The following KCNH1 variants were observed in gnomAD, a reference collection of about 807,000 sequenced individuals.
The protein encoded by KCNH1 is voltage-gated delayed rectifier potassium channel KCNH1.
KCNH1 carries 27 observed loss-of-function variants against 69.2 expected under a neutral mutation model. That is an observed-to-expected ratio of 0.39 (90% CI 0.29 to 0.54). The LOEUF is 0.54. KCNH1 is among the 20% of genes least tolerant of loss of function. The pLI is 0.68. For missense variants in KCNH1, 798 were observed against 1,261.6 expected (o/e 0.63, Z 5.57); for synonymous variants, 456 against 487.7 (o/e 0.93, Z 0.86).
chr1:210,845,429 C>T (rs1378942846), intron 7 of KCNH1, among the ~76,000 whole-genome samples: 3 of 152,006 alleles, frequency 2.0e-5, no homozygotes, highest in Non-Finnish European at 4.4e-5. Context: ...TAAACATACG[C>T]AAATCAATAA....
intron 5 of KCNH1, among the ~76,000 whole-genome samples, chr1:211,072,773 G>T (rs1690670473): frequency 6.6e-6 from 1 of 152,054 alleles, no homozygotes; most frequent in African/African-American, 2.4e-5. Context: ...CACATAAAAT[G>T]CTCAGTTAAA....
chr1:211,114,496 G>A (rs1007410690), intron 1 of KCNH1, among the ~76,000 whole-genome samples: 12 of 152,158 alleles, frequency 7.9e-5, no homozygotes, highest in South Asian at 2.1e-4. Context: ...ATTTGCCAGC[G>A]TGCCTCTAGA....
At position 210,960,627 on chromosome 1, in the gene KCNH1, T is replaced by C. The variant is rs900891711; in HGVS notation, c.1033-40558A>G. 2.0e-5 allele frequency among the ~76,000 whole-genome samples: 3 copies of C among 152,222 alleles called. No individual in the cohort carries two copies. The South Asian group carries it at 6.2e-4, about 32-fold the overall frequency. ...CTTTGTATTGCTGAGTAGTAGCCTATTGTATAAATGCATCACAATATACTT... is the reference window on the plus strand; with the variant it reads ...CTTTGTATTGCTGAGTAGTAGCCTACTGTATAAATGCATCACAATATACTT... On this transcript the variant is annotated intron_variant, in intron 6 of 10. Transcript: ENST00000271751.
chr1:210,732,127 C>T (rs150525865), intron 10 of KCNH1, among the ~76,000 whole-genome samples: 26 of 151,938 alleles, frequency 1.7e-4, no homozygotes, highest in Admixed American at 3.3e-4. Context: ...GCAACCCCCA[C>T]CATCAGGTCA....
intron 10 of KCNH1, among the ~76,000 whole-genome samples, chr1:210,719,862 T>C (rs898004250): frequency 2.0e-5 from 3 of 152,162 alleles, no homozygotes; most frequent in African/African-American, 7.2e-5. Flanking sequence ...CTGTACAAGG[T>C]GGTGTGAGGA....
At chr1:211,090,477 T>C (rs1691033068) in intron 4 of KCNH1, 85 bp downstream of exon 4, 1 of 1,257,012 alleles carries the variant, frequency 8.0e-7, no homozygotes, top group Admixed American at 2.5e-5. Context: ...AGTGATTGCC[T>C]TGACAACCTT....
intron 6 of KCNH1, among the ~76,000 whole-genome samples, chr1:210,938,234 C>T (rs1234717817): frequency 6.6e-6 from 1 of 152,194 alleles, no homozygotes; most frequent in Non-Finnish European, 1.5e-5. Context: ...CAATGTTAAG[C>T]ATATTGGTAT....
intron 5 of KCNH1, among the ~76,000 whole-genome samples, chr1:211,080,968 A>G (rs1379928811): frequency 2.6e-5 from 4 of 152,260 alleles, no homozygotes; most frequent in Admixed American, 2.6e-4. Flanking sequence ...TAGACAAATG[A>G]GATTTAATTA....
intron 7 of KCNH1, among the ~76,000 whole-genome samples, chr1:210,853,556 A>T (rs931949838): frequency 2.0e-5 from 3 of 152,216 alleles, no homozygotes; most frequent in Non-Finnish European, 2.9e-5. Flanking sequence ...GGGCAAGTGC[A>T]TTCCTCAAGG....
intron 6 of KCNH1, among the ~76,000 whole-genome samples, chr1:210,948,882 G>T (rs145999500): frequency 2.0e-5 from 3 of 150,730 alleles, no homozygotes; most frequent in African/African-American, 4.9e-5. Context: ...AAACATGCCC[G>T]GGTTATAACA....
intron 8 of KCNH1, among the ~76,000 whole-genome samples, chr1:210,801,483 A>G (rs541036781): frequency 6.6e-6 from 1 of 152,188 alleles, no homozygotes; most frequent in East Asian, 1.9e-4. Context: ...TCCCTCTTCC[A>G]TCTGGACCAG....
At chr1:210,847,724 G>A (rs996800604) in intron 7 of KCNH1, among the ~76,000 whole-genome samples, 3 of 149,186 alleles carry the variant, frequency 2.0e-5, no homozygotes, top group African/African-American at 4.9e-5. Context: ...AAAACTTAAA[G>A]TATAATAATA....
chr1:210,887,779 A>T (rs1686648550), intron 7 of KCNH1, among the ~76,000 whole-genome samples: 1 of 151,140 alleles, frequency 6.6e-6, no homozygotes, highest in African/African-American at 2.4e-5. Flanking sequence ...GATAAAACAC[A>T]CTTTAAACCA....
chr1:211,106,470 T>C (rs1378796197), intron 2 of KCNH1, among the ~76,000 whole-genome samples: 1 of 151,024 alleles, frequency 6.6e-6, no homozygotes, highest in Non-Finnish European at 1.5e-5. Flanking sequence ...ATTGGTTCTC[T>C]CATCTTTTTC....
chr1:210,729,664 T>C (rs952852904), intron 10 of KCNH1, among the ~76,000 whole-genome samples: 6 of 152,246 alleles, frequency 3.9e-5, no homozygotes, highest in Admixed American at 3.3e-4. Flanking sequence ...TCACAACTTA[T>C]TATGAAAAGT....
chr1:210,754,019 G>A (rs992849123), intron 10 of KCNH1, among the ~76,000 whole-genome samples: 140 of 151,360 alleles, frequency 9.2e-4, no homozygotes, highest in East Asian at 5.6e-3. Flanking sequence ...GGTTCAGGCC[G>A]TTCTCCTGCC....
At chr1:210,732,845 C>T (rs1682777176) in intron 10 of KCNH1, among the ~76,000 whole-genome samples, 2 of 152,212 alleles carry the variant, frequency 1.3e-5, no homozygotes, top group South Asian at 4.1e-4. Context: ...ACCTAATCGC[C>T]TCTCAAAGGG....
chr1:211,109,768 A>C (rs1379059025), intron 1 of KCNH1, among the ~76,000 whole-genome samples: 1 of 152,168 alleles, frequency 6.6e-6, no homozygotes, highest in Non-Finnish European at 1.5e-5. Context: ...AATGAACCAA[A>C]AAAAAACTGG....
intron 7 of KCNH1, among the ~76,000 whole-genome samples, chr1:210,849,928 A>C (rs1685646833): frequency 6.9e-6 from 1 of 145,264 alleles, no homozygotes; most frequent in Non-Finnish European, 1.5e-5. Context: ...AATAATAATA[A>C]AATTTTAAAA....
Sources: allele counts gnomAD v4.1 joint callset (sites outside exome capture counted in the v4.1 genomes callset), GRCh38; gene constraint gnomAD v4.1.1; transcripts MANE v1.5; gene names NCBI Gene and HGNC (gene_info 2026-07-23, HGNC 2026-07-21).